Variants in EMCN observed in about 807,000 individuals in gnomAD.
EMCN encodes MUC-14.
Under a neutral mutation model 38.4 loss-of-function variants are expected in EMCN, and 37 were observed. That is an observed-to-expected ratio of 0.96 (90% CI 0.74 to 1.27). The LOEUF (loss-of-function observed/expected upper bound fraction) is 1.27. Among genes scored for constraint, EMCN ranks in the 50% most tolerant of loss-of-function variants. The pLI is 0.00. For synonymous variants in EMCN, 95 were observed against 100.8 expected (o/e 0.94, Z 0.35); for missense variants, 318 against 302.8 (o/e 1.05, Z -0.37).
At chr4:100,437,063 T>C (rs762792499) in intron 5 of EMCN, among the ~76,000 whole-genome samples, 4 of 152,166 alleles carry the variant, frequency 2.6e-5, no homozygotes, top group Non-Finnish European at 5.9e-5. Context: ...AAGAATTCCC[T>C]TGTCTTCATA....
At chr4:100,476,144 A>G (rs1217204417) in intron 2 of EMCN, among the ~76,000 whole-genome samples, 1 of 147,272 alleles carries the variant, frequency 6.8e-6, no homozygotes, top group African/African-American at 2.5e-5. Context: ...CTACTCTCCA[A>G]CTCTCTGTAA....
In EMCN at chr4:100,478,343, T is replaced by C. The variant is rs575354087; in HGVS notation, c.187+1574A>G. On this transcript the variant is annotated intron_variant, in intron 2 of 11. Transcript: ENST00000296420. ...AATTTCCCTCCCACTGCTAGATTTA[T>C]GTTTCGAGATTTTAACCCTTAAAAT... Among the ~76,000 whole-genome samples the C allele has an allele frequency of 2.0e-5, 3 of 152,334 alleles. No homozygotes were observed. The South Asian group carries it at 6.2e-4, about 32-fold the overall frequency.
intron 1 of EMCN, among the ~76,000 whole-genome samples, chr4:100,494,284 G>T (rs1029699079): frequency 2.0e-5 from 3 of 152,138 alleles, no homozygotes; most frequent in Non-Finnish European, 4.4e-5. Context: ...AACACATTTA[G>T]AAATAACTCT....
At chr4:100,505,627 C>G (rs139296205) in intron 1 of EMCN, among the ~76,000 whole-genome samples, 1 of 152,012 alleles carries the variant, frequency 6.6e-6, no homozygotes, top group African/African-American at 2.4e-5. Flanking sequence ...TTTGAGGAAC[C>G]CTTGAAAATA....
intron 11 of EMCN, among the ~76,000 whole-genome samples, chr4:100,400,285 AT>A (rs143409504): frequency 0.096 from 14,602 of 151,900 alleles, 842 homozygotes; most frequent in South Asian, 0.14. Flanking sequence ...CAGTTTCACA[AT>A]TCTTTTCCTA....
Position 100,517,921 on chromosome 4 carries a change from C to G in EMCN, c.-7G>C, listed in dbSNP as rs377577086. 9.3e-6 allele frequency: 15 copies of G among 1,612,380 alleles called. No individual in the cohort carries two copies. Among genetic ancestry groups the G allele is most frequent in the Non-Finnish European group, 1.0e-5 (12 of 1,178,796 alleles). ...TCACTTGAAGCAGTTCCATGGTGCC[C>G]GTAGATGGTGTCAATATCTTCTTTC... On this transcript the variant is annotated 5_prime_UTR_variant, in exon 1 of 12. Coordinates refer to ENST00000296420, the MANE Select transcript of EMCN (RefSeq NM_016242.4).
intron 4 of EMCN, among the ~76,000 whole-genome samples, chr4:100,454,345 T>C (rs1237726745): frequency 6.6e-6 from 1 of 151,970 alleles, no homozygotes; most frequent in Non-Finnish European, 1.5e-5. Context: ...GGGGGACCTT[T>C]GTTATTGACA....
At chr4:100,417,802 G>A (rs2110214803) in intron 8 of EMCN, among the ~76,000 whole-genome samples, 1 of 152,312 alleles carries the variant, frequency 6.6e-6, no homozygotes, top group Admixed American at 6.5e-5. Context: ...CCTCTCTGGA[G>A]TGAATGTTGG....
Position 100,417,227 on chromosome 4 carries a change from T to C in EMCN, c.665-86A>G, listed in dbSNP as rs1426933890. 2.6e-6 allele frequency: 3 copies of C among 1,137,834 alleles called. No individual in the cohort carries two copies. The African/African-American group carries it at 4.6e-5, about 18-fold the overall frequency. The allele number at this position is 1,137,834 out of a possible 1,614,324, so 70.5% of individuals were successfully genotyped here. On this transcript the variant is annotated intron_variant, in intron 8 of 11. Transcript: ENST00000296420. Reference sequence around the variant, plus strand: ...AAGCCCCTCTAACCCCCTCACCTGCTGTCCACTCTTTTCTATGCAGAGATG... The same window carrying C: ...AAGCCCCTCTAACCCCCTCACCTGCCGTCCACTCTTTTCTATGCAGAGATG...
intron 4 of EMCN, 37 bp from the exon 5 acceptor site, chr4:100,447,608 TA>T (rs1281711793): frequency 7.3e-7 from 1 of 1,367,126 alleles, no homozygotes; most frequent in Non-Finnish European, 1.0e-6. Flanking sequence ...TCAGTACAAT[TA>T]AATGTTGAAT....
intron 3 of EMCN, among the ~76,000 whole-genome samples, chr4:100,469,871 C>A (rs1234586771): frequency 6.6e-6 from 1 of 151,902 alleles, no homozygotes; most frequent in Non-Finnish European, 1.5e-5. Flanking sequence ...ATTTCTTTGG[C>A]TATTTGGGTT....
At chr4:100,399,923 C>T (rs1455516335) in intron 11 of EMCN, among the ~76,000 whole-genome samples, 1 of 152,122 alleles carries the variant, frequency 6.6e-6, no homozygotes, top group Non-Finnish European at 1.5e-5. Flanking sequence ...CAACCCTCTA[C>T]CCTCAAGAAG....
chr4:100,433,295 C>T (rs1410424617), intron 5 of EMCN, among the ~76,000 whole-genome samples: 4 of 152,280 alleles, frequency 2.6e-5, no homozygotes, highest in African/African-American at 9.6e-5. Flanking sequence ...TGGCAAGTCT[C>T]ATTATTTTTT....
In EMCN at chr4:100,453,940, G is replaced by A. The variant is rs112889832; in HGVS notation, c.377-6369C>T. On this transcript the variant is annotated intron_variant, in intron 4 of 11. Coordinates refer to ENST00000296420, the MANE Select transcript of EMCN (RefSeq NM_016242.4). ...CGCAAGGTCAAAAACACCAAACACC[G>A]CGTGTTCTCACTCATAGGTGGGAAT... is the stretch of plus-strand genomic sequence containing the variant. 7.4e-3 allele frequency among the ~76,000 whole-genome samples: 1,123 copies of A among 150,762 alleles called. 8 individuals carry two copies. Among genetic ancestry groups the A allele is most frequent in the African/African-American group, 0.017 (707 of 41,016 alleles).
At chr4:100,460,834 T>G (rs1308402239) in intron 4 of EMCN, among the ~76,000 whole-genome samples, 1 of 152,196 alleles carries the variant, frequency 6.6e-6, no homozygotes, top group Non-Finnish European at 1.5e-5. Context: ...TTTTGTTGCC[T>G]TTGCTTTTGA....
intron 4 of EMCN, among the ~76,000 whole-genome samples, chr4:100,452,697 T>G (rs1424770894): frequency 6.6e-6 from 1 of 152,040 alleles, no homozygotes; most frequent in African/African-American, 2.4e-5. Context: ...CTTCCCTCCA[T>G]CTCTTCTTCT....
At chr4:100,488,566 A>T (rs931144544) in intron 1 of EMCN, among the ~76,000 whole-genome samples, 3 of 152,192 alleles carry the variant, frequency 2.0e-5, no homozygotes, top group African/African-American at 7.2e-5. Context: ...TTATAGATAA[A>T]TCAATTCCTA....
Position 100,415,941 on chromosome 4 carries a change from C to G in EMCN, c.708G>C (p.Glu236Asp), listed in dbSNP as rs763197469. Residue 236 changes from glutamate (E) to aspartate (D), a missense_variant, in exon 10 of 12, where the codon GAG becomes GAC. Transcript: ENST00000296420. ...TCTTAACGGTAAGAAGCTTCACGCT[C>G]TCTTTATCAGACTGAGGTCTATTTG... The part of the protein sequence containing the change: ...NGNDQPQSDK[E>D]SVKLLTVKTI... 6.3e-7 allele frequency: 1 copy of G among 1,591,388 alleles called. No individual in the cohort carries two copies. Among genetic ancestry groups the G allele is most frequent in the African/African-American group, 1.4e-5 (1 of 73,376 alleles).
chr4:100,489,439 T>C (rs1729021793), intron 1 of EMCN, among the ~76,000 whole-genome samples: 1 of 152,198 alleles, frequency 6.6e-6, no homozygotes, highest in African/African-American at 2.4e-5. Flanking sequence ...TGTGGAGTCA[T>C]GTGACACATA....
Sources: allele counts gnomAD v4.1 joint callset (sites outside exome capture counted in the v4.1 genomes callset), GRCh38; gene constraint gnomAD v4.1.1; transcripts MANE v1.5; gene names NCBI Gene and HGNC (gene_info 2026-07-23, HGNC 2026-07-21).